DLGAP1: variants seen among roughly 807,000 people sequenced by gnomAD.
DLGAP1 encodes the protein DLG associated protein 1.
Under a neutral mutation model 90.8 loss-of-function variants are expected in DLGAP1, and 11 were observed. The ratio of observed to expected loss-of-function variants is 0.12; its 90% CI spans 0.08 to 0.20. DLGAP1 has a LOEUF of 0.20. Ranked by LOEUF, DLGAP1 falls within the 10% of genes least tolerant of loss-of-function variation. DLGAP1 has a pLI of 1.00. For synonymous variants in DLGAP1, 558 were observed against 540.7 expected (o/e 1.03, Z -0.44); for missense variants, 1,050 against 1,333.8 (o/e 0.79, Z 3.31).
At chr18:3,594,728 A>G (rs945794313) in intron 7 of DLGAP1, among the ~76,000 whole-genome samples, 2 of 152,168 alleles carry the variant, frequency 1.3e-5, no homozygotes, top group African/African-American at 4.8e-5. Context: ...GAGCTGCGGT[A>G]GCCTTTTCCA....
At chr18:3,512,808 G>C (rs2050619163) in intron 10 of DLGAP1, among the ~76,000 whole-genome samples, 1 of 152,164 alleles carries the variant, frequency 6.6e-6, no homozygotes, top group African/African-American at 2.4e-5. Flanking sequence ...GCAGAAAATT[G>C]CGTCTGAATC....
intron 3 of DLGAP1, among the ~76,000 whole-genome samples, chr18:3,941,075 C>T (rs928463245): frequency 2.0e-5 from 3 of 152,256 alleles, no homozygotes; most frequent in South Asian, 4.2e-4. Context: ...TGGCGTTTTC[C>T]TCCCTTGTTG....
intron 1 of DLGAP1, among the ~76,000 whole-genome samples, chr18:4,256,417 CATAAA>C (rs892800211): frequency 1.3e-5 from 2 of 152,158 alleles, no homozygotes; most frequent in Middle Eastern, 3.4e-3. Context: ...TAAATAAATA[CATAAA>C]ATAAAACAAA....
chr18:4,364,785 G>A (rs759458704), intron 1 of DLGAP1, among the ~76,000 whole-genome samples: 3 of 152,044 alleles, frequency 2.0e-5, no homozygotes, highest in African/African-American at 4.8e-5. Context: ...TTTTTGATGT[G>A]GGCATTTAGG....
rs534410073 is a variant in DLGAP1, at chr18:3,744,670, C to T, written c.1173-2158G>A. On this transcript the variant is annotated intron_variant, in intron 5 of 12. Coordinates refer to ENST00000315677, the MANE Select transcript of DLGAP1 (RefSeq NM_004746.4). ...AAGTGATTCTCCTGCCTTAGCCTCC[C>T]GAGTAGCCGGAATGACACACGCACG... Among the ~76,000 whole-genome samples, 8 of 152,192 alleles carry T rather than the reference C, an allele frequency of 5.3e-5. No homozygotes were observed. The South Asian group carries it at 1.0e-3, about 20-fold the overall frequency.
intron 1 of DLGAP1, among the ~76,000 whole-genome samples, chr18:4,419,694 G>A (rs2082985417): frequency 6.6e-6 from 1 of 151,990 alleles, no homozygotes; most frequent in African/African-American, 2.4e-5. Context: ...AATGCATGCA[G>A]TGGGATTATA....
At chr18:3,735,772 T>C (rs556942727) in intron 6 of DLGAP1, among the ~76,000 whole-genome samples, 9 of 152,248 alleles carry the variant, frequency 5.9e-5, no homozygotes, top group Admixed American at 4.6e-4. Flanking sequence ...CCATTGTTAT[T>C]CTTTCTACTG....
At chr18:4,260,777 C>T (rs2145260502) in intron 1 of DLGAP1, among the ~76,000 whole-genome samples, 2 of 152,272 alleles carry the variant, frequency 1.3e-5, no homozygotes, top group East Asian at 3.9e-4. Context: ...ACAATATCTG[C>T]ATTCTAATGA....
intron 1 of DLGAP1, among the ~76,000 whole-genome samples, chr18:4,297,035 A>G (rs1284159480): frequency 6.6e-6 from 1 of 152,224 alleles, no homozygotes; most frequent in Non-Finnish European, 1.5e-5. Flanking sequence ...CAGGTCTGTA[A>G]AGAGGACCTA....
intron 8 of DLGAP1, among the ~76,000 whole-genome samples, chr18:3,572,157 CA>C (rs2054842690): frequency 6.8e-6 from 1 of 147,874 alleles, no homozygotes; most frequent in Admixed American, 6.8e-5. Context: ...CGGCTCACCG[CA>C]ACCTACCCCT....
chr18:3,963,704 C>A (rs1229728967), intron 3 of DLGAP1, among the ~76,000 whole-genome samples: 1 of 150,766 alleles, frequency 6.6e-6, no homozygotes, highest in Non-Finnish European at 1.5e-5. Context: ...ATTGCAAGTA[C>A]CTTGATATAT....
chr18:3,547,317 A>G (rs903273636), intron 9 of DLGAP1, among the ~76,000 whole-genome samples: 8 of 150,896 alleles, frequency 5.3e-5, no homozygotes, highest in Non-Finnish European at 1.2e-4. Context: ...AAAAAAAAAA[A>G]AAAAAAGAAT....
chr18:3,654,339 C>G (rs2059411080), intron 7 of DLGAP1, among the ~76,000 whole-genome samples: 1 of 152,188 alleles, frequency 6.6e-6, no homozygotes, highest in African/African-American at 2.4e-5. Flanking sequence ...AAAACAAAAC[C>G]CTGTCCTGGG....
chr18:4,173,319 A>G (rs888055200), intron 1 of DLGAP1, among the ~76,000 whole-genome samples: 2 of 152,146 alleles, frequency 1.3e-5, no homozygotes, highest in African/African-American at 4.8e-5. Flanking sequence ...TTACTATTCC[A>G]TGCTGGTTTC....
chr18:3,917,737 T>C (rs998049179), intron 3 of DLGAP1, among the ~76,000 whole-genome samples: 1 of 152,310 alleles, frequency 6.6e-6, no homozygotes, highest in Non-Finnish European at 1.5e-5. Flanking sequence ...ATTATAGATA[T>C]GTAAGGCTAT....
intron 3 of DLGAP1, among the ~76,000 whole-genome samples, chr18:3,952,574 A>G (rs933793713): frequency 6.6e-6 from 1 of 152,200 alleles, no homozygotes; most frequent in African/African-American, 2.4e-5. Flanking sequence ...TAGTGTTGCT[A>G]TTGAGCCAAG....
intron 4 of DLGAP1, among the ~76,000 whole-genome samples, chr18:3,873,102 C>T (rs536016879): frequency 5.4e-4 from 83 of 152,318 alleles, no homozygotes; most frequent in Admixed American, 1.1e-3. Context: ...TTTTGATCTT[C>T]CCTTTACTAC....
intron 6 of DLGAP1, among the ~76,000 whole-genome samples, chr18:3,732,690 G>A (rs1169409917): frequency 1.3e-5 from 2 of 151,978 alleles, no homozygotes; most frequent in East Asian, 3.9e-4. Flanking sequence ...TGGTTTGGGG[G>A]TCTTTTTGAC....
chr18:4,069,177 C>T (rs971845317), intron 2 of DLGAP1, among the ~76,000 whole-genome samples: 1 of 152,120 alleles, frequency 6.6e-6, no homozygotes, highest in Admixed American at 6.6e-5. Flanking sequence ...AGTTCTTCCA[C>T]AGCAAAGGCA....
Sources: allele counts gnomAD v4.1 joint callset (sites outside exome capture counted in the v4.1 genomes callset), GRCh38; gene constraint gnomAD v4.1.1; transcripts MANE v1.5; gene names NCBI Gene and HGNC (gene_info 2026-07-23, HGNC 2026-07-21).